The following METTL15 variants were observed in gnomAD, a reference collection of about 807,000 sequenced individuals.
METTL15 encodes methyltransferase 15, mitochondrial 12S rRNA N4-cytidine.
In METTL15, 34 loss-of-function variants were observed where a neutral mutation model predicts 38.3. That is an observed-to-expected ratio of 0.89 (90% CI 0.68 to 1.18). METTL15 has a LOEUF of 1.18. Among genes scored for constraint, METTL15 ranks in the 50% most tolerant of loss-of-function variants. METTL15 has a pLI of 0.00. For synonymous variants in METTL15, 162 were observed against 170.9 expected (o/e 0.95, Z 0.41); for missense variants, 438 against 498.4 (o/e 0.88, Z 1.15).
intron 6 of METTL15, among the ~76,000 whole-genome samples, chr11:28,524,895 G>A (rs1851796429): frequency 6.6e-6 from 1 of 152,160 alleles, no homozygotes. Flanking sequence ...CTTAAAGGCG[G>A]TGTGTCCGGA....
chr11:28,337,546 C>A (rs1049101967), downstream of METTL15, among the ~76,000 whole-genome samples: 4 of 151,998 alleles, frequency 2.6e-5, no homozygotes, highest in African/African-American at 9.7e-5. Context: ...TTTAGTGTAA[C>A]CTAAGTATAC....
At position 28,328,050 on chromosome 11, in the gene METTL15, T is replaced by C. The variant is rs558029937; in HGVS notation, c.779-2346T>C. 20 of 1,579,006 alleles carry C rather than the reference T, an allele frequency of 1.3e-5. No homozygotes were observed. The South Asian group carries it at 2.1e-4, about 16-fold the overall frequency. On this transcript the variant is annotated intron_variant, in intron 6 of 6. Coordinates refer to ENST00000407364, the MANE Select transcript of METTL15 (RefSeq NM_001113528.2). The stretch of plus-strand genomic sequence containing the variant: ...TTGATTTATGTGCTCCATGAATGTT[T>C]ACTTCCTATTTTACATGAAAATATA...
rs371932362 is a variant in METTL15, at chr11:28,392,354, A to G, written c.*358+30318A>G. Reference sequence around the variant, plus strand: ...CAAAACAAGTTATAAGGCTAAAGTAATTAAAACAGTGTAGAATTGGTATAA... The same window carrying G: ...CAAAACAAGTTATAAGGCTAAAGTAGTTAAAACAGTGTAGAATTGGTATAA... On this transcript the variant is annotated intron_variant and NMD_transcript_variant, in intron 5 of 7. Coordinates refer to the METTL15 transcript ENST00000532947. 7.9e-5 allele frequency among the ~76,000 whole-genome samples: 12 copies of G among 152,272 alleles called. No individual in the cohort carries two copies. In the South Asian group the frequency reaches 1.9e-3, roughly 24 times the overall value.
rs138052469 is a variant in METTL15, at chr11:28,321,936, G to T, written c.779-8460G>T. 6.8e-3 allele frequency among the ~76,000 whole-genome samples: 1,040 copies of T among 151,878 alleles called. 13 individuals carry two copies. Among genetic ancestry groups the T allele is most frequent in the African/African-American group, 0.023 (950 of 41,476 alleles). On this transcript the variant is annotated intron_variant, in intron 6 of 6. Transcript: ENST00000407364. ...AGAAATGTAGTATATGATCAAGAGG[G>T]TACTTCAAATGGGTACGAAAAGAAT...
intron 3 of METTL15, among the ~76,000 whole-genome samples, chr11:28,171,660 G>A (rs7110903): frequency 0.026 from 4,013 of 151,854 alleles, 179 homozygotes; most frequent in African/African-American, 0.092. Context: ...GATGTTATTG[G>A]GTTCCTAACA....
At chr11:28,203,242 C>T (rs956403826) in intron 3 of METTL15, among the ~76,000 whole-genome samples, 1 of 151,982 alleles carries the variant, frequency 6.6e-6, no homozygotes. Context: ...ATTTCAAAAT[C>T]AAATTGGAAT....
intron 6 of METTL15, among the ~76,000 whole-genome samples, chr11:28,432,758 A>T (rs1185787663): frequency 6.6e-6 from 1 of 152,196 alleles, no homozygotes; most frequent in Admixed American, 6.5e-5. Flanking sequence ...GACATATTCA[A>T]TGAATTCTCA....
intron 4 of METTL15, among the ~76,000 whole-genome samples, chr11:28,220,601 A>G (rs1458152988): frequency 1.3e-5 from 2 of 152,176 alleles, no homozygotes; most frequent in Middle Eastern, 3.2e-3. Flanking sequence ...TGATCCCGTC[A>G]TTATGATGTT....
downstream of METTL15, among the ~76,000 whole-genome samples, chr11:28,336,170 AC>A (rs1487238897): frequency 3.3e-5 from 5 of 152,144 alleles, no homozygotes. Context: ...TATTTATTAA[AC>A]ACTCCCAGTA....
At chr11:28,418,562 G>A (rs1850793110) in intron 5 of METTL15, among the ~76,000 whole-genome samples, 1 of 152,082 alleles carries the variant, frequency 6.6e-6, no homozygotes, top group Non-Finnish European at 1.5e-5. Flanking sequence ...CCTCTCTGCA[G>A]GAACACCAAA....
At chr11:28,166,853 G>T (rs985372046) in intron 3 of METTL15, among the ~76,000 whole-genome samples, 3 of 152,166 alleles carry the variant, frequency 2.0e-5, no homozygotes, top group African/African-American at 7.2e-5. Context: ...GGAGCCTGTG[G>T]CAGGAGAATC....
intron 6 of METTL15, among the ~76,000 whole-genome samples, chr11:28,509,448 C>T (rs574575408): frequency 7.3e-5 from 11 of 151,600 alleles, no homozygotes; most frequent in South Asian, 6.3e-4. Context: ...TTAAGATTAA[C>T]CTGCTTTCCT....
chr11:28,526,529 T>C (rs1851813474), intron 7 of METTL15: 1 of 152,282 alleles, frequency 6.6e-6, no homozygotes, highest in African/African-American at 2.4e-5. Flanking sequence ...TGGTGAGTAA[T>C]CAGCTGTTAG....
intron 4 of METTL15, among the ~76,000 whole-genome samples, chr11:28,262,994 C>G (rs1228124545): frequency 6.6e-6 from 1 of 151,926 alleles, no homozygotes; most frequent in Non-Finnish European, 1.5e-5. Context: ...CAATCCATGT[C>G]TGTTTTCTTT....
At chr11:28,486,337 G>T (rs1028366942) in intron 6 of METTL15, among the ~76,000 whole-genome samples, 6 of 152,062 alleles carry the variant, frequency 3.9e-5, no homozygotes, top group Non-Finnish European at 8.8e-5. Flanking sequence ...TCTTGGATCA[G>T]GCTCTCATGT....
chr11:28,414,358 T>TCTC (rs1465154619), intron 5 of METTL15, among the ~76,000 whole-genome samples: 1 of 151,984 alleles, frequency 6.6e-6, no homozygotes, highest in Non-Finnish European at 1.5e-5. Context: ...ACCTGTTCAA[T>TCTC]CTCCTGCCAG....
rs775759328 is a variant in METTL15, at chr11:28,296,807, A to G, written c.654A>G (p.Ala218=). 6.2e-7 allele frequency: 1 copy of G among 1,613,494 alleles called. No homozygotes were observed. Among genetic ancestry groups the G allele is most frequent in the South Asian group, 1.1e-5 (1 of 91,076 alleles). Residue 218 remains alanine (A), a synonymous_variant, in exon 6 of 7, where the codon GCA becomes GCG. Transcript: ENST00000407364. ...TTGTGAATGCTTTAGATCAACAGGCACTTGCATCTATCCTAAGAACATACG... is the reference window on the plus strand; with the variant it reads ...TTGTGAATGCTTTAGATCAACAGGCGCTTGCATCTATCCTAAGAACATACG... ...ADVVNALDQQ[A]LASILRTYGE...
At chr11:28,392,662 A>G (rs529592979) in intron 5 of METTL15, among the ~76,000 whole-genome samples, 1 of 152,270 alleles carries the variant, frequency 6.6e-6, no homozygotes, top group Admixed American at 6.6e-5. Flanking sequence ...AAATGGTACT[A>G]TATCAAACTT....
At chr11:28,374,063 C>T (rs955948103) in intron 5 of METTL15, among the ~76,000 whole-genome samples, 1 of 152,176 alleles carries the variant, frequency 6.6e-6, no homozygotes, top group Non-Finnish European at 1.5e-5. Flanking sequence ...GTTTTGGTTA[C>T]TGTAGCCTTG....
Sources: allele counts gnomAD v4.1 joint callset (sites outside exome capture counted in the v4.1 genomes callset), GRCh38; gene constraint gnomAD v4.1.1; transcripts MANE v1.5; gene names NCBI Gene and HGNC (gene_info 2026-07-23, HGNC 2026-07-21).